Variants in CAST observed in about 807,000 individuals in gnomAD.
CAST encodes MIR583 host.
A neutral mutation model predicts 119.6 loss-of-function variants in CAST; 76 were observed. The observed-to-expected ratio is 0.64, with a 90% CI of 0.53 to 0.77. CAST has a LOEUF of 0.77. Ranked by LOEUF, CAST falls within the 30% of genes least tolerant of loss-of-function variation. The pLI is 0.00. For missense variants in CAST, 953 were observed against 946.5 expected (o/e 1.01, Z -0.09); for synonymous variants, 319 against 331.6 (o/e 0.96, Z 0.41).
chr5:96,151,967 C>G, the CAST span, among the ~76,000 whole-genome samples: 464 of 152,268 alleles, frequency 3.0e-3, 1 homozygote, highest in Non-Finnish European at 3.8e-3. Context: ...TGACCAGCAG[C>G]CTCTCCTATG....
At chr5:96,365,471 A>G in the CAST span, among the ~76,000 whole-genome samples, 1 of 152,166 alleles carries the variant, frequency 6.6e-6, no homozygotes, top group African/African-American at 2.4e-5. Flanking sequence ...GTCTCTTTGT[A>G]GGTCTCTAAG....
the CAST span, among the ~76,000 whole-genome samples, chr5:96,199,600 G>A: frequency 2.6e-5 from 4 of 151,996 alleles, no homozygotes; most frequent in South Asian, 8.3e-4. Flanking sequence ...AAAAATTTAA[G>A]GCCACATATT....
intron 1 of CAST, among the ~76,000 whole-genome samples, chr5:96,555,405 C>T (rs564146028): frequency 9.9e-5 from 15 of 152,140 alleles, no homozygotes; most frequent in African/African-American, 3.1e-4. Flanking sequence ...GCGCACCCAG[C>T]GTGAGCCGAA....
intron 15 of CAST, 168 bp downstream of exon 15, chr5:96,741,748 A>G (rs1762736876): frequency 3.5e-6 from 2 of 576,736 alleles, no homozygotes; most frequent in Non-Finnish European, 6.3e-6. Context: ...TCTCCAGGCA[A>G]GCCTTGTGTG....
the CAST span, among the ~76,000 whole-genome samples, chr5:96,071,050 GCAGGAGGT>G: frequency 6.6e-6 from 1 of 152,122 alleles, no homozygotes; most frequent in East Asian, 1.9e-4. Context: ...GATTCCCCAG[GCAGGAGGT>G]CATTGGTGGT....
intron 1 of CAST, among the ~76,000 whole-genome samples, chr5:96,588,368 ATTTTTGTATT>A (rs932920398): frequency 2.0e-5 from 3 of 151,624 alleles, no homozygotes; most frequent in African/African-American, 7.3e-5. Flanking sequence ...TGCCCAGCTA[ATTTTTGTATT>A]TTTAGTAGAG....
chr5:96,635,922 C>T (rs938593196), intron 1 of CAST, among the ~76,000 whole-genome samples: 11 of 152,286 alleles, frequency 7.2e-5, no homozygotes, highest in African/African-American at 2.6e-4. Context: ...AGAACCCTGG[C>T]TTCTCTCAAT....
chr5:96,460,443 C>G, the CAST span, among the ~76,000 whole-genome samples: 2 of 151,954 alleles, frequency 1.3e-5, no homozygotes, highest in Admixed American at 6.6e-5. Flanking sequence ...GGCTTAAAAC[C>G]TAGATGATGG....
At position 96,734,224 on chromosome 5, in the gene CAST, G is replaced by A. The variant is rs73775911; in HGVS notation, c.631-1948G>A. Among the ~76,000 whole-genome samples, 963 of 152,320 alleles carry A rather than the reference G, an allele frequency of 6.3e-3. 10 individuals carry two copies. Among genetic ancestry groups the A allele is most frequent in the African/African-American group, 0.022 (925 of 41,570 alleles). On this transcript the variant is annotated intron_variant, in intron 9 of 31. Transcript: ENST00000675179. ...AGTGAATGGTGGGGCTGTAAGACCA[G>A]AAAGACAGGTTGAGCACTGCTGTGG...
At chr5:96,619,759 G>GAGGGTCGAGGGTCC (rs1747559519) in intron 1 of CAST, among the ~76,000 whole-genome samples, 1 of 152,114 alleles carries the variant, frequency 6.6e-6, no homozygotes, top group South Asian at 2.1e-4. Flanking sequence ...CACTCACCGC[G>GAGGGTCGAGGGTCC]AGGGTCCGTG....
the CAST span, among the ~76,000 whole-genome samples, chr5:96,315,000 G>A: frequency 4.6e-5 from 7 of 152,244 alleles, no homozygotes; most frequent in Admixed American, 4.6e-4. Context: ...ATATATTTAG[G>A]CAAAGTGGTG....
At chr5:96,303,319 A>G in the CAST span, among the ~76,000 whole-genome samples, 2 of 152,222 alleles carry the variant, frequency 1.3e-5, no homozygotes, top group Non-Finnish European at 2.9e-5. Context: ...ACAATTCCAC[A>G]TGAAATTTCG....
the CAST span, among the ~76,000 whole-genome samples, chr5:96,160,734 G>T: frequency 6.6e-6 from 1 of 152,156 alleles, no homozygotes; most frequent in African/African-American, 2.4e-5. Context: ...ATAGCAGTGT[G>T]TGAAGGTTCT....
chr5:96,070,038 T>A, the CAST span, among the ~76,000 whole-genome samples: 1 of 152,140 alleles, frequency 6.6e-6, no homozygotes, highest in Non-Finnish European at 1.5e-5. Flanking sequence ...CTGAAGACAG[T>A]CTGGAGACAT....
chr5:96,305,927 T>G, the CAST span, among the ~76,000 whole-genome samples: 2 of 152,180 alleles, frequency 1.3e-5, no homozygotes, highest in Admixed American at 1.3e-4. Context: ...TTTTTGTTGT[T>G]TCTCTGCCAG....
At chr5:96,646,031 C>T (rs1452762069) in intron 1 of CAST, among the ~76,000 whole-genome samples, 2 of 152,024 alleles carry the variant, frequency 1.3e-5, no homozygotes, top group African/African-American at 4.8e-5. Flanking sequence ...AAAAGATGCT[C>T]TAACCTGATT....
intron 19 of CAST, among the ~76,000 whole-genome samples, chr5:96,750,276 G>A (rs2150573935): frequency 6.6e-6 from 1 of 152,146 alleles, no homozygotes; most frequent in South Asian, 2.1e-4. Flanking sequence ...TGCCTGCATT[G>A]TCTTATATAG....
At chr5:96,760,148 A>G (rs1055916281) in intron 24 of CAST, among the ~76,000 whole-genome samples, 1 of 152,004 alleles carries the variant, frequency 6.6e-6, no homozygotes, top group Non-Finnish European at 1.5e-5. Context: ...TTATGGTGCT[A>G]ATCTTAAAAT....
At chr5:96,411,924 C>T in the CAST span, among the ~76,000 whole-genome samples, 1 of 152,292 alleles carries the variant, frequency 6.6e-6, no homozygotes, top group East Asian at 1.9e-4. Flanking sequence ...ATTCTTGTGC[C>T]TCAGCCTCCC....
Sources: allele counts gnomAD v4.1 joint callset (sites outside exome capture counted in the v4.1 genomes callset), GRCh38; gene constraint gnomAD v4.1.1; transcripts MANE v1.5; gene names NCBI Gene and HGNC (gene_info 2026-07-23, HGNC 2026-07-21).